Variants in FGFR2 observed in about 807,000 individuals in gnomAD.
FGFR2 encodes BEK fibroblast growth factor receptor.
In FGFR2, 19 loss-of-function variants were observed where a neutral mutation model predicts 95.9. The ratio of observed to expected loss-of-function variants is 0.20; its 90% CI spans 0.14 to 0.29. FGFR2 has a LOEUF of 0.29. FGFR2 is among the 10% of genes least tolerant of loss of function. FGFR2 has a pLI of 1.00. For missense variants in FGFR2, 707 were observed against 1,056.9 expected (o/e 0.67, Z 4.59); for synonymous variants, 392 against 393.3 (o/e 1.00, Z 0.04).
intron 13 of FGFR2, among the ~76,000 whole-genome samples, chr10:121,489,969 T>C (rs562052074): frequency 3.9e-5 from 6 of 152,302 alleles, no homozygotes; most frequent in South Asian, 2.1e-4. Flanking sequence ...GTCTCTACCA[T>C]GGCCAATGCC....
Position 121,519,967 on chromosome 10 carries a change from G to C in FGFR2, c.939+12C>G. 1.2e-6 allele frequency: 2 copies of C among 1,614,018 alleles called. No homozygotes were observed. The highest frequency in any genetic ancestry group is 1.7e-6 in the Non-Finnish European group (2 of 1,179,880). ...CCAGTTGTGGGTACCTTTAGATTCAGAAAGTCCTCACCTTGAGAACCTTGA... is the reference window on the plus strand; with the variant it reads ...CCAGTTGTGGGTACCTTTAGATTCACAAAGTCCTCACCTTGAGAACCTTGA... On this transcript the variant is annotated intron_variant, in intron 7 of 17. Coordinates refer to ENST00000358487, the MANE Select transcript of FGFR2 (RefSeq NM_000141.5).
chr10:121,542,253 AC>A (rs1250275425), intron 5 of FGFR2, among the ~76,000 whole-genome samples: 1 of 152,252 alleles, frequency 6.6e-6, no homozygotes. Context: ...CTGACTATAA[AC>A]ACAGCTAAAA....
chr10:121,582,766 G>A (rs1288394288), intron 2 of FGFR2, among the ~76,000 whole-genome samples: 1 of 152,058 alleles, frequency 6.6e-6, no homozygotes, highest in East Asian at 1.9e-4. Flanking sequence ...CTGGGTGACA[G>A]AGCAAGAGAC....
chr10:121,553,360 C>A (rs183772795), intron 4 of FGFR2, among the ~76,000 whole-genome samples: 1 of 152,150 alleles, frequency 6.6e-6, no homozygotes, highest in African/African-American at 2.4e-5. Context: ...TGCCCATAAA[C>A]GCACCTATTC....
chr10:121,543,261 G>A (rs1051796769), intron 5 of FGFR2, among the ~76,000 whole-genome samples: 7 of 152,178 alleles, frequency 4.6e-5, no homozygotes, highest in African/African-American at 1.7e-4. Flanking sequence ...TGTAATCCCA[G>A]CACTTTGGGA....
At chr10:121,574,644 A>G (rs543478075) in intron 2 of FGFR2, among the ~76,000 whole-genome samples, 171 of 152,320 alleles carry the variant, frequency 1.1e-3, no homozygotes, top group African/African-American at 3.9e-3. Flanking sequence ...GTACACAGCA[A>G]CGAAGACAGC....
intron 15 of FGFR2, among the ~76,000 whole-genome samples, chr10:121,486,773 A>T (rs1261903161): frequency 6.6e-6 from 1 of 152,194 alleles, no homozygotes; most frequent in Non-Finnish European, 1.5e-5. Context: ...CTAAAATATC[A>T]GTTGGAGCCT....
chr10:121,592,042 C>T (rs1351236274), intron 2 of FGFR2, among the ~76,000 whole-genome samples: 3 of 152,170 alleles, frequency 2.0e-5, no homozygotes, highest in African/African-American at 7.2e-5. Context: ...GAAATAAACT[C>T]ACAATAACGC....
Position 121,496,951 on chromosome 10 carries a change from C to T in FGFR2, c.1673-229G>A, listed in dbSNP as rs185483800. On this transcript the variant is annotated intron_variant, in intron 12 of 17. Coordinates refer to ENST00000358487, the MANE Select transcript of FGFR2 (RefSeq NM_000141.5). ...TTCAAGACCAGCCTGGCCAGCATAG[C>T]GAAACCTCGTCTCTACTAAAAATAC... Among the ~76,000 whole-genome samples the T allele has an allele frequency of 3.1e-4, 47 of 150,882 alleles. 2 individuals are homozygous for T. The East Asian group carries it at 8.2e-3, about 26-fold the overall frequency.
intron 2 of FGFR2, among the ~76,000 whole-genome samples, chr10:121,567,231 T>C (rs1459778972): frequency 6.6e-6 from 1 of 152,086 alleles, no homozygotes; most frequent in Non-Finnish European, 1.5e-5. Flanking sequence ...GAAATCCCCC[T>C]CACCACCACC....
Position 121,517,199 on chromosome 10 carries a change from AT to A in FGFR2, c.1084+119del, listed in dbSNP as rs770232560. On this transcript the variant is annotated intron_variant, in intron 8 of 17. Transcript: ENST00000358487. This position sits in a 1 kb window ranked among gnomAD's most constrained non-coding sequence, Gnocchi z 4.7. ...TTATCCCTGAGGGATCATTTTTAAC[AT>A]TTTTTATATCTTTATGCAAGGATAA... 5.8e-5 allele frequency: 68 copies of A among 1,166,816 alleles called. No individual in the cohort carries two copies. The African/African-American group carries it at 9.6e-4, about 17-fold the overall frequency. The allele number at this position is 1,166,816 out of a possible 1,614,324, so 72.3% of individuals were successfully genotyped here. A position where few individuals can be genotyped will look rare whatever the true frequency, so the allele number is the denominator to read the frequency against.
chr10:121,518,617 A>T lies in FGFR2; in HGVS notation c.940-1154T>A, dbSNP rs2134278457. 1 of 1,597,568 alleles carries T rather than the reference A, an allele frequency of 6.3e-7. No homozygotes were observed. The highest frequency in any genetic ancestry group is 8.6e-7 in the Non-Finnish European group (1 of 1,167,140). On this transcript the variant is annotated intron_variant, in intron 7 of 17. Coordinates refer to ENST00000358487, the MANE Select transcript of FGFR2 (RefSeq NM_000141.5). This position sits in a 1 kb window ranked among gnomAD's most constrained non-coding sequence, Gnocchi z 4.0. ...GCTGCCTGCAGTCTCCCAAAGCACCAAGTCTTTTCAGCTTCTATATCCAGC... is the reference window on the plus strand; with the variant it reads ...GCTGCCTGCAGTCTCCCAAAGCACCTAGTCTTTTCAGCTTCTATATCCAGC...
intron 6 of FGFR2, among the ~76,000 whole-genome samples, chr10:121,532,262 T>A (rs1852183080): frequency 1.3e-5 from 2 of 152,284 alleles, no homozygotes. Context: ...GGTACAAGCA[T>A]GACAACCTAA....
chr10:121,496,856 C>T, intron 12 of FGFR2, 134 bp from the exon 13 acceptor site: 2 of 767,798 alleles, frequency 2.6e-6, no homozygotes, highest in East Asian at 5.3e-5. Context: ...AGCGGCTGGG[C>T]GTGGTGCCTC....
chr10:121,561,820 CA>C (rs1173926573), intron 4 of FGFR2, among the ~76,000 whole-genome samples: 11 of 152,156 alleles, frequency 7.2e-5, no homozygotes, highest in Non-Finnish European at 1.0e-4. Context: ...CCAAAATATA[CA>C]AAGAACTCTT....
chr10:121,495,703 A>G (rs751695102), intron 13 of FGFR2, among the ~76,000 whole-genome samples: 6 of 152,188 alleles, frequency 3.9e-5, no homozygotes, highest in Non-Finnish European at 8.8e-5. Flanking sequence ...CCCCAGTGAC[A>G]GAGGGTGCAC....
At chr10:121,510,327 C>A (rs1419036705) in intron 9 of FGFR2, among the ~76,000 whole-genome samples, 1 of 152,154 alleles carries the variant, frequency 6.6e-6, no homozygotes, top group African/African-American at 2.4e-5. Flanking sequence ...CAGGTCAGAT[C>A]TTGGGCAAAC....
chr10:121,547,943 T>C (rs1854766519), intron 5 of FGFR2, among the ~76,000 whole-genome samples: 2 of 152,176 alleles, frequency 1.3e-5, no homozygotes, highest in South Asian at 4.1e-4. Flanking sequence ...AGATGATGCC[T>C]TAGGTAACTG....
intron 17 of FGFR2, 21 bp from the exon 18 acceptor site, chr10:121,480,042 C>T (rs1263597931): frequency 1.4e-5 from 22 of 1,605,062 alleles, no homozygotes; most frequent in East Asian, 6.7e-5. Flanking sequence ...GGAAGAGAGA[C>T]GTTTTATTTC....
Sources: gnomAD v4.1 joint callset for allele counts (sites outside exome capture counted in the v4.1 genomes callset) on GRCh38, gnomAD v4.1.1 for gene constraint, Gnocchi (gnomAD v3.1) non-coding constraint, MANE v1.5 for transcripts, NCBI Gene and HGNC (gene_info 2026-07-23, HGNC 2026-07-21) for gene names.